CHN2: variants seen among roughly 807,000 people sequenced by gnomAD.
CHN2 encodes the protein beta-chimaerin.
CHN2 carries 35 observed loss-of-function variants against 56.3 expected under a neutral mutation model. The observed-to-expected ratio is 0.62, with a 90% CI of 0.47 to 0.82. CHN2 has a LOEUF of 0.82. Among genes scored for constraint, CHN2 ranks in the 40% least tolerant of loss-of-function variants. CHN2 has a pLI of 0.00. For synonymous variants in CHN2, 210 were observed against 212.8 expected (o/e 0.99, Z 0.12); for missense variants, 491 against 580.5 (o/e 0.85, Z 1.58).
chr7:29,396,216 G>A (rs1270714053), intron 4 of CHN2, among the ~76,000 whole-genome samples: 2 of 152,066 alleles, frequency 1.3e-5, no homozygotes, highest in African/African-American at 4.8e-5. Flanking sequence ...ACCGAGGCGG[G>A]TTGATCGCCT....
At chr7:29,215,327 C>T (rs1209076796) in intron 1 of CHN2, among the ~76,000 whole-genome samples, 5 of 152,172 alleles carry the variant, frequency 3.3e-5, no homozygotes, top group Non-Finnish European at 5.9e-5. Context: ...CCTCTGCATT[C>T]ACTGTCCATT....
chr7:29,331,778 G>A (rs1385739662), intron 1 of CHN2, among the ~76,000 whole-genome samples: 1 of 152,078 alleles, frequency 6.6e-6, no homozygotes. Flanking sequence ...AATACAATTT[G>A]GGGCCAGGTG....
At chr7:29,204,065 CTCTGTGTGTGTGTG>C (rs1437445132) in intron 1 of CHN2, among the ~76,000 whole-genome samples, 90 of 136,010 alleles carry the variant, frequency 6.6e-4, no homozygotes, top group African/African-American at 2.0e-3. Context: ...TTTTCTCTCT[CTCTGTGTGTGTGTG>C]TGTGTGTGTG....
At chr7:29,423,278 C>T (rs73306858) in intron 6 of CHN2, among the ~76,000 whole-genome samples, 3 of 152,200 alleles carry the variant, frequency 2.0e-5, no homozygotes, top group South Asian at 2.1e-4. Context: ...CCCTGCACCC[C>T]GCAGGACTGA....
intron 6 of CHN2, among the ~76,000 whole-genome samples, chr7:29,471,899 G>A (rs1022912864): frequency 1.3e-5 from 2 of 152,090 alleles, no homozygotes; most frequent in Admixed American, 6.6e-5. Context: ...TTTCTTTGGC[G>A]CCATGGCAAT....
At chr7:29,222,279 A>G (rs1280421168) in intron 1 of CHN2, among the ~76,000 whole-genome samples, 1 of 152,228 alleles carries the variant, frequency 6.6e-6, no homozygotes, top group Non-Finnish European at 1.5e-5. Flanking sequence ...GAAAATGACC[A>G]TACTGCCCAA....
intron 1 of CHN2, among the ~76,000 whole-genome samples, chr7:29,294,296 G>C (rs1176715655): frequency 6.6e-6 from 1 of 152,094 alleles, no homozygotes; most frequent in East Asian, 1.9e-4. Flanking sequence ...ACTGCTAGTA[G>C]GGTACTTGGA....
intron 6 of CHN2, among the ~76,000 whole-genome samples, chr7:29,440,924 T>G (rs1485927636): frequency 6.6e-6 from 1 of 152,174 alleles, no homozygotes; most frequent in Admixed American, 6.5e-5. Flanking sequence ...TTTTTATTAT[T>G]TATTGACAAA....
At chr7:29,416,760 A>C (rs569187214) in intron 6 of CHN2, among the ~76,000 whole-genome samples, 1 of 150,590 alleles carries the variant, frequency 6.6e-6, no homozygotes, top group African/African-American at 2.5e-5. Flanking sequence ...AATCATATGC[A>C]TATGTATGTA....
intron 2 of CHN2, among the ~76,000 whole-genome samples, chr7:29,356,896 A>T (rs1798357531): frequency 6.6e-6 from 1 of 152,206 alleles, no homozygotes; most frequent in South Asian, 2.1e-4. Flanking sequence ...GTGTTCCATG[A>T]CTTACTGTGC....
intron 1 of CHN2, among the ~76,000 whole-genome samples, chr7:29,338,246 C>T (rs377290322): frequency 2.0e-5 from 3 of 152,224 alleles, no homozygotes; most frequent in South Asian, 4.1e-4. Flanking sequence ...ATGAGTTGGC[C>T]AACTTTGGGC....
chr7:29,512,132 C>G (rs1391456294), intron 12 of CHN2, among the ~76,000 whole-genome samples: 2 of 151,954 alleles, frequency 1.3e-5, no homozygotes, highest in East Asian at 3.9e-4. Context: ...GGATCCTGCC[C>G]TTCCCTTCCC....
chr7:29,434,228 G>T (rs1290562143), intron 6 of CHN2, among the ~76,000 whole-genome samples: 1 of 152,134 alleles, frequency 6.6e-6, no homozygotes, highest in African/African-American at 2.4e-5. Flanking sequence ...CTGCTAATGT[G>T]GTTCTGATTA....
At chr7:29,355,867 T>C (rs1327515041) in intron 2 of CHN2, among the ~76,000 whole-genome samples, 1 of 125,650 alleles carries the variant, frequency 8.0e-6, no homozygotes, top group Non-Finnish European at 1.6e-5. Flanking sequence ...CACTGCAACC[T>C]CCACCTCCCG....
chr7:29,226,338 G>A (rs1786195043), intron 1 of CHN2, among the ~76,000 whole-genome samples: 1 of 152,200 alleles, frequency 6.6e-6, no homozygotes, highest in African/African-American at 2.4e-5. Flanking sequence ...CAAGCCCACA[G>A]AGTACAGCAG....
intron 1 of CHN2, among the ~76,000 whole-genome samples, chr7:29,220,007 G>A (rs189580548): frequency 0.022 from 3,359 of 152,120 alleles, 62 homozygotes; most frequent in Non-Finnish European, 0.031. Context: ...CCCAGGAGGC[G>A]GAGGTTGCAG....
rs192824418 is a variant in CHN2, at chr7:29,499,208, G to A, written c.740-659G>A. Among the ~76,000 whole-genome samples the A allele has an allele frequency of 1.4e-4, 21 of 152,122 alleles. No individual in the cohort carries two copies. In the East Asian group the frequency reaches 4.1e-3, roughly 29 times the overall value. Reference sequence around the variant, plus strand: ...AAATAATCATCACATTACATTACATGGTATTGTTATAAACTCTCAAGTACT... The same window carrying A: ...AAATAATCATCACATTACATTACATAGTATTGTTATAAACTCTCAAGTACT... On this transcript the variant is annotated intron_variant, in intron 8 of 12. Coordinates refer to ENST00000222792, the MANE Select transcript of CHN2 (RefSeq NM_004067.4).
intron 1 of CHN2, among the ~76,000 whole-genome samples, chr7:29,220,612 A>G (rs1223018243): frequency 3.3e-5 from 5 of 152,132 alleles, no homozygotes; most frequent in Non-Finnish European, 5.9e-5. Context: ...AAGAAATTTA[A>G]AATCTGAAAA....
chr7:29,320,915 C>T (rs1424716194), intron 1 of CHN2, among the ~76,000 whole-genome samples: 1 of 152,228 alleles, frequency 6.6e-6, no homozygotes, highest in Non-Finnish European at 1.5e-5. Context: ...TCGATTTATT[C>T]TCAGGCACCA....
Sources: allele counts gnomAD v4.1 joint callset (sites outside exome capture counted in the v4.1 genomes callset), GRCh38; gene constraint gnomAD v4.1.1; transcripts MANE v1.5; gene names NCBI Gene and HGNC (gene_info 2026-07-23, HGNC 2026-07-21).